The following C6orf132 variants were observed in gnomAD, a reference collection of about 807,000 sequenced individuals.
C6orf132 encodes chromosome 6 open reading frame 132, also known as uncharacterized protein C6orf132.
A neutral mutation model predicts 65.3 loss-of-function variants in C6orf132; 43 were observed. The observed-to-expected ratio is 0.66, with a 90% CI of 0.52 to 0.85. The LOEUF (loss-of-function observed/expected upper bound fraction) is 0.85, where lower values mean the gene tolerates loss of function less well. Ranked by LOEUF, C6orf132 falls within the 40% of genes least tolerant of loss-of-function variation. The pLI, the probability that C6orf132 is intolerant of heterozygous loss-of-function variation, is 0.00. For missense variants in C6orf132, 1,488 were observed against 1,548.8 expected (o/e 0.96, Z 0.66); for synonymous variants, 631 against 654.1 (o/e 0.96, Z 0.54).
Position 42,114,294 on chromosome 6 carries a change from C to T in C6orf132, c.253-4003G>A, listed in dbSNP as rs373032675. Among the ~76,000 whole-genome samples the T allele has an allele frequency of 2.5e-4, 38 of 152,328 alleles. No individual in the cohort carries two copies. In the East Asian group the frequency reaches 7.3e-3, roughly 29 times the overall value. On this transcript the variant is annotated intron_variant, in intron 2 of 4. Transcript: ENST00000341865. ...CACCACCATGCTTGCGGTGCTGTGA[C>T]ACACCATGGTCTGCCCTTGGAGCAA...
chr6:42,103,951 G>A (rs913269284), intron 4 of C6orf132, 73 bp from the exon 5 acceptor site: 23 of 1,046,774 alleles, frequency 2.2e-5, no homozygotes, highest in Admixed American at 3.9e-5. Flanking sequence ...CTCCCCGAGG[G>A]ACCGAGAGGA....
chr6:42,136,054 T>C (rs1288976090), intron 1 of C6orf132, among the ~76,000 whole-genome samples: 1 of 151,752 alleles, frequency 6.6e-6, no homozygotes, highest in Non-Finnish European at 1.5e-5. Context: ...ATGGCACATG[T>C]ATACATATGT....
intron 2 of C6orf132, among the ~76,000 whole-genome samples, chr6:42,110,515 G>T (rs886656527): frequency 6.6e-6 from 1 of 152,128 alleles, no homozygotes; most frequent in African/African-American, 2.4e-5. Flanking sequence ...CTATAAAGTT[G>T]CAATGAACAT....
At position 42,105,036 on chromosome 6, in the gene C6orf132, G is replaced by C. The variant is rs921657682; in HGVS notation, c.2876C>G (p.Pro959Arg). ...VAPSNLPQGH[P>R]LPKSFSSPPS... Reference sequence around the variant, plus strand: ...TGGGGAGGAGAAGGACTTGGGCAGCGGGTGGCCCTGGGGGAGGTTGGAGGG... The same window carrying C: ...TGGGGAGGAGAAGGACTTGGGCAGCCGGTGGCCCTGGGGGAGGTTGGAGGG... The change falls in exon 4 of 5, where the codon CCG (proline) becomes CGG (arginine). Residue 959 changes from proline (P) to arginine (R), a missense_variant. Physicochemically the swap from Pro to Arg is moderately radical, Grantham distance 103 (BLOSUM62 -2). Transcript: ENST00000341865. 2.0e-6 allele frequency: 3 copies of C among 1,535,842 alleles called. No homozygotes were observed. Among genetic ancestry groups the C allele is most frequent in the Admixed American group, 2.0e-5 (1 of 50,654 alleles).
intron 1 of C6orf132, among the ~76,000 whole-genome samples, chr6:42,133,035 G>C (rs1308148275): frequency 6.6e-6 from 1 of 152,110 alleles, no homozygotes; most frequent in African/African-American, 2.4e-5. Flanking sequence ...GTCAGAACTG[G>C]GGTCTTCCCA....
Position 42,104,969 on chromosome 6 carries a change from G to C in C6orf132, c.2943C>G (p.Phe981Leu). Residue 981 changes from phenylalanine (F) to leucine (L), a missense_variant, in exon 4 of 5, where the codon TTC (phenylalanine) becomes TTG (leucine). By Grantham distance (22) the Phe-to-Leu change is conservative (BLOSUM62 0). Transcript: ENST00000341865. The surrounding 1 kb of genome is among the most constrained non-coding windows in gnomAD (Gnocchi z 4.1). Reference sequence around the variant, plus strand: ...GCGGCGGTGGGATGACCTCGAAGTTGAACTCCTCCTCCTCCTCCTCCCTCT... The same window carrying C: ...GCGGCGGTGGGATGACCTCGAAGTTCAACTCCTCCTCCTCCTCCTCCCTCT... ...SNKREEEEEE[F>L]NFEVIPPPPE... 6.7e-7 allele frequency: 1 copy of C among 1,496,788 alleles called. No homozygotes were observed. Among genetic ancestry groups the C allele is most frequent in the East Asian group, 2.5e-5 (1 of 40,402 alleles). The allele number at this position is 1,496,788 out of a possible 1,614,324, so 92.7% of individuals were successfully genotyped here. A position where few individuals can be genotyped will look rare whatever the true frequency, so the allele number is the denominator to read the frequency against.
chr6:42,102,913 T>C lies in C6orf132; in HGVS notation c.*848A>G, dbSNP rs1349787356. On this transcript the variant is annotated 3_prime_UTR_variant, in exon 5 of 5. Transcript: ENST00000341865. ...ATGAGACCTGGCCATGTAAGGCCCCTAGTGTCAAGCCTAAGACTCATGGCT... is the reference window on the plus strand; with the variant it reads ...ATGAGACCTGGCCATGTAAGGCCCCCAGTGTCAAGCCTAAGACTCATGGCT... 2 of 397,134 alleles carry C rather than the reference T, an allele frequency of 5.0e-6. No homozygotes were observed. The highest frequency in any genetic ancestry group is 1.4e-4 in the South Asian group (1 of 7,028). 24.6% of individuals were successfully genotyped at this position (397,134 alleles called of 1,614,324 possible).
intron 3 of C6orf132, 79 bp downstream of exon 3, chr6:42,110,137 G>T: frequency 1.7e-6 from 2 of 1,164,356 alleles, no homozygotes; most frequent in Non-Finnish European, 2.4e-6. Flanking sequence ...CTGTGAAGAT[G>T]AGCAGATGCT....
rs768899336 is a variant in C6orf132 at position 42,106,303 on chromosome 6, GGCTGCTGCCGCCAA to G, written c.1595_1608del (p.Leu532ProfsTer33). The G allele has an allele frequency of 1.6e-5, 25 of 1,536,776 alleles. No homozygotes were observed. In the South Asian group the frequency reaches 3.0e-4, roughly 18 times the overall value. On this transcript the variant is annotated frameshift_variant, in exon 4 of 5. Transcript: ENST00000341865. LOFTEE classifies it high-confidence loss of function. ...CTGGGGGCAGCCTCTGTCTCTGTCA[GGCTGCTGCCGCCAA>G]GACTCTTTTCAGGAACACCTGGGGG...
At position 42,124,371 on chromosome 6, in the gene C6orf132, CCTT is replaced by C. The variant is rs746524337; in HGVS notation, c.252+4298_252+4300del. Among the ~76,000 whole-genome samples, 2 of 152,224 alleles carry C rather than the reference CCTT, an allele frequency of 1.3e-5. No individual in the cohort carries two copies. The highest frequency in any genetic ancestry group is 2.9e-5 in the Non-Finnish European group (2 of 68,034). ...AGAAGCGCCTGTTGCTGCCTTGTCT[CCTT>C]CTCTCTAGCTCTGTCCCCTGGCAGG... On this transcript the variant is annotated intron_variant, in intron 2 of 4. Transcript: ENST00000341865. The surrounding 1 kb of genome is among the most constrained non-coding windows in gnomAD (Gnocchi z 4.0).
chr6:42,107,692 G>A, intron 3 of C6orf132, 109 bp from the exon 4 acceptor site: 1 of 1,309,332 alleles, frequency 7.6e-7, no homozygotes, highest in Non-Finnish European at 1.1e-6. Context: ...AGAATGACTG[G>A]ATCATTTTCT....
chr6:42,111,104 T>C (rs749280762), intron 2 of C6orf132, among the ~76,000 whole-genome samples: 11 of 151,738 alleles, frequency 7.2e-5, no homozygotes, highest in Non-Finnish European at 1.2e-4. Context: ...TACAGAAAAA[T>C]AAAAAGTGAT....
intron 1 of C6orf132, among the ~76,000 whole-genome samples, chr6:42,128,992 T>C (rs904464357): frequency 6.6e-6 from 1 of 152,154 alleles, no homozygotes; most frequent in African/African-American, 2.4e-5. Context: ...AGGGACTCGG[T>C]GTTCGTGGGG....
chr6:42,133,104 T>A (rs1766879280), intron 1 of C6orf132, among the ~76,000 whole-genome samples: 1 of 152,176 alleles, frequency 6.6e-6, no homozygotes, highest in African/African-American at 2.4e-5. Flanking sequence ...TTGGGGAATT[T>A]CCTATTGGAA....
Position 42,124,575 on chromosome 6 carries a change from A to G in C6orf132, c.252+4097T>C, listed in dbSNP as rs918038881. On this transcript the variant is annotated intron_variant, in intron 2 of 4. Transcript: ENST00000341865. This position sits in a 1 kb window ranked among gnomAD's most constrained non-coding sequence, Gnocchi z 4.0. ...GCCTCTGAATGTGGGAAGGGAGGACAGGGAGGGGTGGAGGCCTGGCCGGCT... is the reference window on the plus strand; with the variant it reads ...GCCTCTGAATGTGGGAAGGGAGGACGGGGAGGGGTGGAGGCCTGGCCGGCT... Among the ~76,000 whole-genome samples the G allele has an allele frequency of 6.6e-6, 1 of 152,190 alleles. No individual in the cohort carries two copies. Among genetic ancestry groups the G allele is most frequent in the Non-Finnish European group, 1.5e-5 (1 of 68,006 alleles).
chr6:42,130,800 C>CTT (rs142411609), intron 1 of C6orf132, among the ~76,000 whole-genome samples: 9 of 147,526 alleles, frequency 6.1e-5, no homozygotes, highest in Non-Finnish European at 1.2e-4. Flanking sequence ...GAGATGGAGT[C>CTT]TTTTTTTTTT....
At chr6:42,113,674 G>A (rs545743806) in intron 2 of C6orf132, among the ~76,000 whole-genome samples, 1 of 152,266 alleles carries the variant, frequency 6.6e-6, no homozygotes, top group East Asian at 1.9e-4. Flanking sequence ...AATTAGCCAG[G>A]CATGGTGGCA....
intron 2 of C6orf132, among the ~76,000 whole-genome samples, chr6:42,128,100 T>TTTA (rs1554182883): frequency 1.5e-4 from 22 of 151,388 alleles, no homozygotes; most frequent in African/African-American, 4.9e-4. Context: ...TTTTTTTTTT[T>TTTA]TATATTTAGT....
At chr6:42,121,902 C>T (rs1278699127) in intron 2 of C6orf132, among the ~76,000 whole-genome samples, 6 of 152,176 alleles carry the variant, frequency 3.9e-5, no homozygotes, top group African/African-American at 9.7e-5. Flanking sequence ...CCCCTCCAGG[C>T]ACCCAACATA....
Sources: gnomAD v4.1 joint callset for allele counts (sites outside exome capture counted in the v4.1 genomes callset) on GRCh38, gnomAD v4.1.1 for gene constraint, Gnocchi (gnomAD v3.1) non-coding constraint, MANE v1.5 for transcripts, NCBI Gene and HGNC (gene_info 2026-07-23, HGNC 2026-07-21) for gene names.